Variants in BBOF1 observed in about 807,000 individuals in gnomAD.
BBOF1 encodes basal body-orientation factor 1.
BBOF1 carries 62 observed loss-of-function variants against 68.0 expected under a neutral mutation model. The ratio of observed to expected loss-of-function variants is 0.91; its 90% confidence interval spans 0.74 to 1.13. The LOEUF is 1.13. Among genes scored for constraint, BBOF1 ranks in the 50% most tolerant of loss-of-function variants. BBOF1 has a pLI of 0.00. For missense variants in BBOF1, 534 were observed against 600.1 expected, an observed-to-expected ratio of 0.89 and a Z score of 1.15; for synonymous variants, 208 against 198.8, an observed-to-expected ratio of 1.05 and a Z score of -0.39.
exon 10 of BBOF1, chr14:74,078,295 G>A (rs2060635044): frequency 2.2e-6 from 1 of 455,444 alleles, no homozygotes. Context: ...CAAGCTCCAT[G>A]CAGGAAAAGT....
At chr14:74,050,365 C>T (rs1030040284) in intron 8 of BBOF1, among the ~76,000 whole-genome samples, 170 bp downstream of exon 8, 1 of 152,154 alleles carries the variant, frequency 6.6e-6, no homozygotes, top group African/African-American at 2.4e-5. Context: ...CTAGGCTTAG[C>T]ATAGCATGTG....
chr14:74,029,682 C>CAAA (rs1179777105), intron 3 of BBOF1, among the ~76,000 whole-genome samples: 2 of 104,378 alleles, frequency 1.9e-5, no homozygotes, highest in African/African-American at 3.5e-5. Context: ...AACTTCATCT[C>CAAA]AAAAAAAAAA....
At chr14:74,051,218 T>C (rs1013776541) in intron 8 of BBOF1, among the ~76,000 whole-genome samples, 2 of 151,264 alleles carry the variant, frequency 1.3e-5, no homozygotes, top group African/African-American at 4.9e-5. Flanking sequence ...CACTCCAGCC[T>C]GGGTGACAAG....
chr14:74,026,140 C>CAAA (rs372178821), intron 2 of BBOF1, among the ~76,000 whole-genome samples: 5 of 114,404 alleles, frequency 4.4e-5, no homozygotes, highest in Admixed American at 9.0e-5. Context: ...GACTCTGTCT[C>CAAA]AAAAAAAAAA....
At chr14:74,076,296 G>A (rs991418963) in intron 9 of BBOF1, among the ~76,000 whole-genome samples, 2 of 152,130 alleles carry the variant, frequency 1.3e-5, no homozygotes, top group African/African-American at 2.4e-5. Context: ...ATCAGTAAAC[G>A]GGGAGGATCA....
In BBOF1 at chr14:74,050,419, T is replaced by C. The variant is rs112694149; in HGVS notation, c.1286+224T>C. On this transcript the variant is annotated intron_variant, in intron 8 of 11. Transcript: ENST00000394009. ...TAGTATATTCCCCTCTGTCTCATGA[T>C]AGAAGTCTTGTTAAGGAGACTATTT... 2.2e-3 allele frequency among the ~76,000 whole-genome samples: 342 copies of C among 152,324 alleles called. 3 individuals are homozygous for C. The highest frequency in any genetic ancestry group is 7.8e-3 in the African/African-American group (326 of 41,588).
chr14:74,037,483 G>T (rs2059733790), intron 4 of BBOF1, among the ~76,000 whole-genome samples: 2 of 146,198 alleles, frequency 1.4e-5, no homozygotes, highest in African/African-American at 5.0e-5. Context: ...TTTGAGATGG[G>T]GTTTCACTGT....
Position 74,047,947 on chromosome 14 carries a change from G to T in BBOF1, c.665G>T (p.Gly222Val). ...HEAIVQLNDAGRNVFKENDYL... is the reference protein window; with the variant it reads ...HEAIVQLNDAVRNVFKENDYL... ...TATTTCAGGCAATTGAACGATGCTG[G>T]AAGAAATGTTTTTAAAGAGAATGAT... The change falls in exon 7 of 12, where the codon GGA (glycine) becomes GTA (valine). Residue 222 changes from glycine to valine, a missense_variant. By Grantham distance (109) the Gly-to-Val change is moderately radical. Coordinates refer to ENST00000394009, the MANE Select transcript of BBOF1 (RefSeq NM_025057.3). The T allele has an allele frequency of 6.2e-7, 1 of 1,608,596 alleles. No individual in the cohort carries two copies. Among genetic ancestry groups the T allele is most frequent in the Non-Finnish European group, 8.5e-7 (1 of 1,178,118 alleles).
At chr14:74,048,820 A>G (rs1467832529) in intron 7 of BBOF1, among the ~76,000 whole-genome samples, 1 of 152,216 alleles carries the variant, frequency 6.6e-6, no homozygotes, top group African/African-American at 2.4e-5. Flanking sequence ...ATATTGGGAT[A>G]GGCAACAAGG....
chr14:74,067,997 T>TAAAAA (rs35503985), downstream of BBOF1, among the ~76,000 whole-genome samples: 40 of 132,976 alleles, frequency 3.0e-4, no homozygotes, highest in African/African-American at 1.1e-3. Context: ...AGAGCAATGT[T>TAAAAA]AAAAAAAAAA....
rs1051157560 is a variant in BBOF1 at position 74,029,265 on chromosome 14, G to A, written c.351+16G>A. On this transcript the variant is annotated intron_variant, in intron 3 of 11. Coordinates refer to ENST00000394009, the MANE Select transcript of BBOF1 (RefSeq NM_025057.3). ...GGATAAATTGGTGAGTTATCTATGTGTACTAATACTCCACTTACTGGATGG... is the reference window on the plus strand; with the variant it reads ...GGATAAATTGGTGAGTTATCTATGTATACTAATACTCCACTTACTGGATGG... The A allele has an allele frequency of 3.4e-6, 5 of 1,490,216 alleles. No individual in the cohort carries two copies. In the African/African-American group the frequency reaches 4.2e-5, roughly 12 times the overall value. 92.3% of individuals were successfully genotyped at this position (1,490,216 alleles called of 1,614,324 possible). A position where few individuals can be genotyped will look rare whatever the true frequency, so the allele number is the denominator to read the frequency against.
At chr14:74,045,367 T>C (rs996911104) in intron 5 of BBOF1, among the ~76,000 whole-genome samples, 2 of 152,156 alleles carry the variant, frequency 1.3e-5, no homozygotes, top group African/African-American at 4.8e-5. Flanking sequence ...TGGAGTGCAA[T>C]GGCGCGATCT....
At chr14:74,063,693 C>G (rs2060397442) in intron 11 of BBOF1, among the ~76,000 whole-genome samples, 1 of 151,120 alleles carries the variant, frequency 6.6e-6, no homozygotes, top group African/African-American at 2.4e-5. Context: ...TGGTGAAACC[C>G]TATCTCCACT....
intron 2 of BBOF1, among the ~76,000 whole-genome samples, chr14:74,028,757 G>A (rs2059496712): frequency 6.6e-6 from 1 of 151,338 alleles, no homozygotes; most frequent in African/African-American, 2.4e-5. Context: ...CACCCGGGCT[G>A]GAGTGCAATG....
chr14:74,051,748 C>T (rs1025972915), intron 8 of BBOF1, among the ~76,000 whole-genome samples: 4 of 151,544 alleles, frequency 2.6e-5, no homozygotes, highest in Admixed American at 2.6e-4. Context: ...TATTCCAATG[C>T]AATTAGATTC....
chr14:74,072,216 A>G, intron 9 of BBOF1: 7 of 1,614,218 alleles, frequency 4.3e-6, no homozygotes, highest in Non-Finnish European at 5.9e-6. Flanking sequence ...GTTTTCTTTA[A>G]TAAGTTGTTG....
intron 5 of BBOF1, chr14:74,040,950 G>T: frequency 2.8e-6 from 1 of 362,314 alleles, no homozygotes; most frequent in African/African-American, 2.1e-5. Context: ...TAGGGAAGAT[G>T]GGAGTGGAGA....
intron 11 of BBOF1, chr14:74,057,637 T>C: frequency 7.5e-7 from 1 of 1,333,156 alleles, no homozygotes; most frequent in Non-Finnish European, 9.8e-7. Context: ...TATAAGGAGA[T>C]ATGAAATGAT....
intron 11 of BBOF1, among the ~76,000 whole-genome samples, chr14:74,063,290 G>T (rs896591609): frequency 6.6e-6 from 1 of 151,712 alleles, no homozygotes; most frequent in Non-Finnish European, 1.5e-5. Context: ...AGATTCAAAG[G>T]ATTCTTCTGC....
Sources: gnomAD v4.1 joint callset for allele counts (sites outside exome capture counted in the v4.1 genomes callset) on GRCh38, gnomAD v4.1.1 for gene constraint, MANE v1.5 for transcripts, NCBI Gene and HGNC (gene_info 2026-07-23, HGNC 2026-07-21) for gene names.